Variants in LIN54 observed in about 807,000 individuals in gnomAD.
LIN54 encodes the protein protein lin-54 homolog.
In LIN54, 9 loss-of-function variants were observed where a neutral mutation model predicts 78.7. The observed-to-expected ratio is 0.11, with a 90% CI of 0.07 to 0.20. LIN54 has a LOEUF of 0.20. Ranked by LOEUF, LIN54 falls within the 10% of genes least tolerant of loss-of-function variation. The pLI is 1.00. For synonymous variants in LIN54, 269 were observed against 318.4 expected (o/e 0.84, Z 1.65); for missense variants, 573 against 889.9 (o/e 0.64, Z 4.53).
chr4:82,998,059 T>TATAC (rs1728389186), intron 1 of LIN54, among the ~76,000 whole-genome samples: 2 of 134,788 alleles, frequency 1.5e-5, no homozygotes, highest in African/African-American at 5.3e-5. Context: ...TATATATATA[T>TATAC]ACACGTATAT....
chr4:82,937,612 C>A (rs1471213085), intron 8 of LIN54, among the ~76,000 whole-genome samples: 1 of 152,186 alleles, frequency 6.6e-6, no homozygotes, highest in Non-Finnish European at 1.5e-5. Flanking sequence ...GAACACTCCA[C>A]AAACACTGTC....
At chr4:82,937,887 C>T (rs1457829) in intron 8 of LIN54, among the ~76,000 whole-genome samples, 81,405 of 152,108 alleles carry the variant, frequency 0.54, 23,775 homozygotes, top group East Asian at 0.78. Flanking sequence ...TCCCAGCACT[C>T]TGGGAGACTG....
At chr4:82,936,678 A>G (rs983847960) in intron 9 of LIN54, among the ~76,000 whole-genome samples, 3 of 5,856 alleles carry the variant, frequency 5.1e-4, no homozygotes, top group Non-Finnish European at 7.7e-3. Context: ...TGTCACACAT[A>G]TAAATTTTAT....
At chr4:82,989,245 T>C (rs932345698) in intron 1 of LIN54, among the ~76,000 whole-genome samples, 8 of 152,062 alleles carry the variant, frequency 5.3e-5, no homozygotes, top group Admixed American at 5.2e-4. Flanking sequence ...ATTCATTATG[T>C]ATACTGTGAA....
chr4:82,988,848 T>A (rs1450491816), intron 1 of LIN54, among the ~76,000 whole-genome samples: 1 of 152,214 alleles, frequency 6.6e-6, no homozygotes, highest in Non-Finnish European at 1.5e-5. Flanking sequence ...TGTCTGTCTG[T>A]ATATCTTCCT....
chr4:82,947,235 A>ATATTTTT, intron 4 of LIN54, among the ~76,000 whole-genome samples: 1,426 of 44,248 alleles, frequency 0.032, 155 homozygotes, highest in Non-Finnish European at 0.042. Flanking sequence ...ATATATATAT[A>ATATTTTT]TTTTTTTTTT....
intron 11 of LIN54, among the ~76,000 whole-genome samples, chr4:82,933,248 T>C (rs1722112625): frequency 6.7e-6 from 1 of 150,220 alleles, no homozygotes; most frequent in Non-Finnish European, 1.5e-5. Context: ...TATATATATA[T>C]ATATATTTGT....
At chr4:83,007,367 T>C (rs919212187) in intron 1 of LIN54, among the ~76,000 whole-genome samples, 2 of 152,106 alleles carry the variant, frequency 1.3e-5, no homozygotes, top group Non-Finnish European at 2.9e-5. Context: ...ATGATTAACA[T>C]GATGGAAAAA....
chr4:83,011,961 T>A, upstream of LIN54: 1 of 903,504 alleles, frequency 1.1e-6, no homozygotes, highest in South Asian at 5.2e-5. Context: ...ACTGTCTAAG[T>A]TAGTGTAGGA....
chr4:82,989,153 A>C (rs1727445733), intron 1 of LIN54, among the ~76,000 whole-genome samples: 1 of 151,698 alleles, frequency 6.6e-6, no homozygotes, highest in South Asian at 2.1e-4. Context: ...ACGTCACTGC[A>C]CTCCAGCCTG....
intron 1 of LIN54, among the ~76,000 whole-genome samples, chr4:82,991,376 T>C (rs1031519560): frequency 4.6e-5 from 7 of 152,220 alleles, no homozygotes; most frequent in African/African-American, 4.8e-5. Context: ...TTGTATATTG[T>C]CCATGTATCC....
chr4:82,947,336 C>T (rs1723479247), intron 4 of LIN54, among the ~76,000 whole-genome samples: 1 of 144,322 alleles, frequency 6.9e-6, no homozygotes, highest in Non-Finnish European at 1.5e-5. Flanking sequence ...GGGCTCAAGC[C>T]ATCCTCCTGC....
At chr4:82,974,232 A>C (rs931250381) in intron 3 of LIN54, among the ~76,000 whole-genome samples, 2 of 152,034 alleles carry the variant, frequency 1.3e-5, no homozygotes, top group South Asian at 4.1e-4. Flanking sequence ...AAACCAAAAA[A>C]AAAAGGTGCC....
chr4:82,988,292 G>A (rs948263261), intron 1 of LIN54, among the ~76,000 whole-genome samples: 2 of 152,004 alleles, frequency 1.3e-5, no homozygotes, highest in African/African-American at 4.8e-5. Context: ...CAATCATATG[G>A]TATGAGTTTT....
At chr4:82,978,855 A>G (rs1215990399) in intron 3 of LIN54, 28 bp downstream of exon 3, 2 of 1,369,686 alleles carry the variant, frequency 1.5e-6, no homozygotes, top group Admixed American at 3.8e-5. Flanking sequence ...ATAAATATTT[A>G]GCTTAATAAA....
At chr4:82,998,646 G>C (rs1728470681) in intron 1 of LIN54, among the ~76,000 whole-genome samples, 1 of 151,914 alleles carries the variant, frequency 6.6e-6, no homozygotes, top group Non-Finnish European at 1.5e-5. Flanking sequence ...GAAAAAGAAA[G>C]AGAAAGAAAG....
chr4:82,926,870 T>G lies in LIN54; in HGVS notation c.*1232A>C, dbSNP rs1193991954. 6.6e-6 allele frequency: 1 copy of G among 152,186 alleles called. No individual in the cohort carries two copies. Among genetic ancestry groups the G allele is most frequent in the Non-Finnish European group, 1.5e-5 (1 of 68,050 alleles). The allele number at this position is 152,186 out of a possible 1,614,324, so 9.4% of individuals were successfully genotyped here. ...AGTTCAAAAGTCTATAAAAAGGGCC[T>G]GGCACGGCGGCTTATGCCTGTAATC... On this transcript the variant is annotated 3_prime_UTR_variant, in exon 13 of 13. Coordinates refer to ENST00000340417, the MANE Select transcript of LIN54 (RefSeq NM_194282.4).
chr4:82,946,574 A>G, intron 4 of LIN54, 100 bp from the exon 5 acceptor site: 3 of 878,828 alleles, frequency 3.4e-6, no homozygotes, highest in Non-Finnish European at 5.4e-6. Flanking sequence ...ATGCTCCTGT[A>G]TTGCATCAAA....
At chr4:82,935,852 T>C (rs1722354622) in intron 11 of LIN54, 129 bp downstream of exon 11, 10 of 901,998 alleles carry the variant, frequency 1.1e-5, no homozygotes, top group Non-Finnish European at 1.8e-5. Context: ...ACAAGGGCCT[T>C]TGCACCAACT....
Sources: allele counts gnomAD v4.1 joint callset (sites outside exome capture counted in the v4.1 genomes callset), GRCh38; gene constraint gnomAD v4.1.1; transcripts MANE v1.5; gene names NCBI Gene and HGNC (gene_info 2026-07-23, HGNC 2026-07-21).